The following TBC1D19 variants were observed in gnomAD, a reference collection of about 807,000 sequenced individuals.
The protein encoded by TBC1D19 is TBC1 domain family, member 19.
Under a neutral mutation model 89.0 loss-of-function variants are expected in TBC1D19, and 60 were observed. That is an observed-to-expected ratio of 0.67 (90% CI 0.55 to 0.84). The LOEUF is 0.84. TBC1D19 is among the 40% of genes least tolerant of loss of function. TBC1D19 has a pLI of 0.00. For synonymous variants in TBC1D19, 189 were observed against 199.7 expected, an observed-to-expected ratio of 0.95 and a Z score of 0.45; for missense variants, 500 against 610.8, an observed-to-expected ratio of 0.82 and a Z score of 1.91.
chr4:26,844,984 C>T, the TBC1D19 span, among the ~76,000 whole-genome samples: 1 of 152,124 alleles, frequency 6.6e-6, no homozygotes, highest in Non-Finnish European at 1.5e-5. Flanking sequence ...ATATACAAGT[C>T]TTATCCTGTT....
the TBC1D19 span, among the ~76,000 whole-genome samples, chr4:26,786,398 G>A: frequency 6.6e-6 from 1 of 152,136 alleles, no homozygotes; most frequent in Non-Finnish European, 1.5e-5. Context: ...CCTTTGGAAG[G>A]CCGAGGCAGG....
chr4:26,702,833 A>C (rs533047767), intron 13 of TBC1D19, among the ~76,000 whole-genome samples: 9 of 152,306 alleles, frequency 5.9e-5, no homozygotes, highest in Non-Finnish European at 1.2e-4. Flanking sequence ...CCATGACAGA[A>C]ACATTATACC....
chr4:26,724,284 T>G (rs1283730796), intron 15 of TBC1D19, among the ~76,000 whole-genome samples: 1 of 152,162 alleles, frequency 6.6e-6, no homozygotes, highest in Non-Finnish European at 1.5e-5. Context: ...TCCTCAGGGA[T>G]TTTTTATTAT....
chr4:26,840,634 G>A, the TBC1D19 span, among the ~76,000 whole-genome samples: 9 of 151,816 alleles, frequency 5.9e-5, no homozygotes, highest in Non-Finnish European at 1.2e-4. Flanking sequence ...TCTCCTCCTC[G>A]TGGGAAATGT....
At chr4:26,643,447 A>G (rs1006428897) in intron 7 of TBC1D19, among the ~76,000 whole-genome samples, 2 of 152,166 alleles carry the variant, frequency 1.3e-5, no homozygotes, top group African/African-American at 4.8e-5. Context: ...GGAAATTTAT[A>G]GCACTAAATG....
At chr4:26,818,216 T>C in the TBC1D19 span, among the ~76,000 whole-genome samples, 2 of 152,000 alleles carry the variant, frequency 1.3e-5, no homozygotes, top group Non-Finnish European at 2.9e-5. Context: ...CTTTCAATTT[T>C]TATTTTTATT....
rs1218349295 is a variant in TBC1D19 at position 26,610,557 on chromosome 4, G to C, written c.100-2612G>C. Among the ~76,000 whole-genome samples the C allele has an allele frequency of 2.6e-5, 4 of 151,690 alleles. No homozygotes were observed. The East Asian group carries it at 7.8e-4, about 29-fold the overall frequency. On this transcript the variant is annotated intron_variant, in intron 1 of 20. Transcript: ENST00000264866. ...TACAGATTATTTCGTCACCCAGATA[G>C]TGTGCATAATACCCAATAGGTAGTT...
intron 4 of TBC1D19, among the ~76,000 whole-genome samples, chr4:26,634,322 A>G (rs1442188974): frequency 6.6e-6 from 1 of 152,196 alleles, no homozygotes; most frequent in African/African-American, 2.4e-5. Context: ...TATGGGTCCC[A>G]TGGCATTATT....
chr4:26,815,988 A>G, the TBC1D19 span, among the ~76,000 whole-genome samples: 55,496 of 152,106 alleles, frequency 0.36, 10,755 homozygotes, highest in Middle Eastern at 0.45. Context: ...CTGAAGCACC[A>G]TTCAGAGGAG....
chr4:26,632,550 A>T (rs1742867015), intron 4 of TBC1D19, among the ~76,000 whole-genome samples: 2 of 151,984 alleles, frequency 1.3e-5, no homozygotes, highest in Non-Finnish European at 2.9e-5. Context: ...AGGAAGAGGA[A>T]GGGTTGGTCT....
At chr4:26,697,811 A>G (rs567534703) in intron 13 of TBC1D19, among the ~76,000 whole-genome samples, 2,938 of 152,210 alleles carry the variant, frequency 0.019, 95 homozygotes, top group African/African-American at 0.068. Flanking sequence ...AAATTCAACA[A>G]CACTTCATGC....
intron 4 of TBC1D19, among the ~76,000 whole-genome samples, chr4:26,621,097 C>T (rs1217564903): frequency 3.3e-5 from 5 of 152,096 alleles, no homozygotes; most frequent in Admixed American, 6.5e-5. Flanking sequence ...TATTTGTTCT[C>T]GCAGTAGGCT....
At chr4:26,667,094 T>C (rs1160975784) in intron 9 of TBC1D19, among the ~76,000 whole-genome samples, 1 of 152,016 alleles carries the variant, frequency 6.6e-6, no homozygotes, top group Non-Finnish European at 1.5e-5. Context: ...ATAGCAATAT[T>C]ACATAATTAT....
chr4:26,738,197 A>T (rs1260102687), intron 16 of TBC1D19, among the ~76,000 whole-genome samples: 1 of 151,438 alleles, frequency 6.6e-6, no homozygotes, highest in African/African-American at 2.4e-5. Flanking sequence ...ATCTTGAATA[A>T]AAACTAATTG....
At chr4:26,722,732 C>G (rs1195958319) in intron 15 of TBC1D19, among the ~76,000 whole-genome samples, 1 of 152,174 alleles carries the variant, frequency 6.6e-6, no homozygotes, top group Non-Finnish European at 1.5e-5. Flanking sequence ...GCAGCAGCAG[C>G]AAACATTTTC....
At chr4:26,625,181 T>G (rs1390820429) in intron 4 of TBC1D19, among the ~76,000 whole-genome samples, 1 of 152,148 alleles carries the variant, frequency 6.6e-6, no homozygotes, top group African/African-American at 2.4e-5. Context: ...ACACTGGTAC[T>G]TAATTTTCTG....
intron 1 of TBC1D19, among the ~76,000 whole-genome samples, chr4:26,590,693 G>A (rs960692531): frequency 6.7e-6 from 1 of 149,126 alleles, no homozygotes; most frequent in African/African-American, 2.5e-5. Flanking sequence ...TTAACATCTT[G>A]CATTAGTGTG....
chr4:26,672,470 G>A (rs1026705862), intron 10 of TBC1D19, among the ~76,000 whole-genome samples: 5 of 151,968 alleles, frequency 3.3e-5, no homozygotes, highest in African/African-American at 4.8e-5. Context: ...TAATCCATTC[G>A]GCAGTAGAAT....
the TBC1D19 span, among the ~76,000 whole-genome samples, chr4:26,842,601 TTTCTTTCTTTCTTTC>T: frequency 3.7e-5 from 5 of 134,232 alleles, no homozygotes; most frequent in East Asian, 1.1e-3. Flanking sequence ...TCTTTCTTTC[TTTCTTTCTTTCTTTC>T]TTTCTTTCTT....
Sources: gnomAD v4.1 joint callset for allele counts (sites outside exome capture counted in the v4.1 genomes callset) on GRCh38, gnomAD v4.1.1 for gene constraint, MANE v1.5 for transcripts, NCBI Gene and HGNC (gene_info 2026-07-23, HGNC 2026-07-21) for gene names.